Variants in SLC24A2 observed in about 807,000 individuals in gnomAD.
SLC24A2 encodes solute carrier family 24 member 2.
In SLC24A2, 36 loss-of-function variants were observed where a neutral mutation model predicts 62.0. The ratio of observed to expected loss-of-function variants is 0.58; its 90% CI spans 0.44 to 0.77. The LOEUF is 0.77. Ranked by LOEUF, SLC24A2 falls within the 30% of genes least tolerant of loss-of-function variation. The pLI is 0.00. For synonymous variants in SLC24A2, 358 were observed against 294.0 expected, an observed-to-expected ratio of 1.22 and a Z score of -2.23; for missense variants, 846 against 817.9, an observed-to-expected ratio of 1.03 and a Z score of -0.42.
the SLC24A2 span, among the ~76,000 whole-genome samples, chr9:20,235,393 G>A: frequency 1.3e-3 from 195 of 152,328 alleles, no homozygotes; most frequent in Non-Finnish European, 2.4e-3. Flanking sequence ...ACTTCCCGCC[G>A]CTTTGTTTCC....
intron 2 of SLC24A2, among the ~76,000 whole-genome samples, chr9:19,733,397 A>G (rs1299917316): frequency 1.3e-5 from 2 of 152,168 alleles, no homozygotes; most frequent in Admixed American, 6.6e-5. Flanking sequence ...CTCTTACAAT[A>G]TCCCCTTCAG....
the SLC24A2 span, chr9:19,895,722 G>A: frequency 7.8e-7 from 1 of 1,289,726 alleles, no homozygotes; most frequent in Non-Finnish European, 1.1e-6. Flanking sequence ...CTGGGGCCTG[G>A]TGGTCGAGGC....
chr9:19,614,213 C>T (rs1368649377), intron 4 of SLC24A2, among the ~76,000 whole-genome samples: 1 of 152,162 alleles, frequency 6.6e-6, no homozygotes, highest in Non-Finnish European at 1.5e-5. Context: ...TTCAGATAGC[C>T]ATCCTGTGAT....
At chr9:19,552,806 CA>C in intron 7 of SLC24A2, among the ~76,000 whole-genome samples, 1 of 152,204 alleles carries the variant, frequency 6.6e-6, no homozygotes, top group East Asian at 1.9e-4. Flanking sequence ...CTCCATCTGC[CA>C]AAGTCACCAG....
the SLC24A2 span, among the ~76,000 whole-genome samples, chr9:20,231,512 T>C: frequency 4.7e-4 from 72 of 152,264 alleles, no homozygotes; most frequent in Admixed American, 3.3e-3. Flanking sequence ...AATGGGAGTT[T>C]ACTCATGATT....
chr9:19,901,164 T>C, the SLC24A2 span, among the ~76,000 whole-genome samples: 866 of 152,264 alleles, frequency 5.7e-3, 7 homozygotes, highest in Non-Finnish European at 7.5e-3. Context: ...CAGAGAATTT[T>C]GTAAGGGAGA....
chr9:19,767,065 G>C (rs776949638), intron 2 of SLC24A2, among the ~76,000 whole-genome samples: 15 of 152,168 alleles, frequency 9.9e-5, no homozygotes, highest in Non-Finnish European at 2.1e-4. Context: ...CACCCAGTTA[G>C]AACTTCCCAG....
chr9:19,583,336 C>A, intron 5 of SLC24A2, among the ~76,000 whole-genome samples: 1 of 152,210 alleles, frequency 6.6e-6, no homozygotes, highest in South Asian at 2.1e-4. Flanking sequence ...CTTGTCTGAG[C>A]AGCCTATTGA....
the SLC24A2 span, among the ~76,000 whole-genome samples, chr9:19,873,536 C>CTTTCTTTCTTTCTTTATTTATT: frequency 2.9e-5 from 4 of 137,128 alleles, no homozygotes; most frequent in Non-Finnish European, 3.1e-5. Flanking sequence ...TCCTTTCTTT[C>CTTTCTTTCTTTCTTTATTTATT]TCTTTCTTTC....
chr9:20,062,008 G>A, the SLC24A2 span, among the ~76,000 whole-genome samples: 1 of 152,156 alleles, frequency 6.6e-6, no homozygotes, highest in Non-Finnish European at 1.5e-5. Flanking sequence ...GGCTAAGGCA[G>A]GAGGATTGCT....
chr9:20,296,392 T>C, the SLC24A2 span, among the ~76,000 whole-genome samples: 4,464 of 152,374 alleles, frequency 0.029, 95 homozygotes, highest in South Asian at 0.053. Context: ...GTGATATAAA[T>C]TGCACAAAGA....
At position 19,738,988 on chromosome 9, in the gene SLC24A2, G is replaced by A. The variant is rs573328697; in HGVS notation, c.930+46949C>T. Among the ~76,000 whole-genome samples, 21 of 152,022 alleles carry A rather than the reference G, an allele frequency of 1.4e-4. No individual in the cohort carries two copies. The South Asian group carries it at 2.5e-3, about 18-fold the overall frequency. On this transcript the variant is annotated intron_variant, in intron 2 of 10. Transcript: ENST00000341998. The stretch of plus-strand genomic sequence containing the variant: ...AAAAATTAGCCAGGCATGGTGGTGC[G>A]CACCGGTAGTCCCAGCTACTCATGA...
At chr9:20,164,221 A>G in the SLC24A2 span, among the ~76,000 whole-genome samples, 15 of 152,046 alleles carry the variant, frequency 9.9e-5, no homozygotes, top group South Asian at 1.2e-3. Flanking sequence ...GAAAATTTTC[A>G]CAACCTACTC....
intron 2 of SLC24A2, among the ~76,000 whole-genome samples, chr9:19,668,711 T>A (rs1288690190): frequency 1.3e-5 from 2 of 152,222 alleles, no homozygotes; most frequent in Non-Finnish European, 2.9e-5. Flanking sequence ...CTGTGCATCC[T>A]ACGATATCTT....
At chr9:20,105,764 C>T in the SLC24A2 span, among the ~76,000 whole-genome samples, 1 of 152,016 alleles carries the variant, frequency 6.6e-6, no homozygotes, top group Non-Finnish European at 1.5e-5. Context: ...CCAAAATTGA[C>T]ACCCTAACAT....
rs1445834558 is a variant in SLC24A2 at position 19,508,238 on chromosome 9, C to G, written c.*7915G>C. ...GTGTTCAGGGTTCAATAGCGCAATT[C>G]AGTAACTGAGGCTCCCTCTTCCGAA... On this transcript the variant is annotated 3_prime_UTR_variant, in exon 11 of 11. Coordinates refer to ENST00000341998, the MANE Select transcript of SLC24A2 (RefSeq NM_020344.4). 2.0e-5 allele frequency: 3 copies of G among 152,152 alleles called. No individual in the cohort carries two copies. The highest frequency in any genetic ancestry group is 4.8e-5 in the African/African-American group (2 of 41,436). 9.4% of individuals were successfully genotyped at this position (152,152 alleles called of 1,614,324 possible).
intron 7 of SLC24A2, among the ~76,000 whole-genome samples, chr9:19,570,133 CA>C (rs960518071): frequency 3.1e-4 from 47 of 152,310 alleles, no homozygotes; most frequent in African/African-American, 1.0e-3. Context: ...ATTAGGTAAA[CA>C]ATCAAAATTT....
At chr9:20,155,045 C>T in the SLC24A2 span, among the ~76,000 whole-genome samples, 1 of 150,050 alleles carries the variant, frequency 6.7e-6, no homozygotes, top group South Asian at 2.1e-4. Context: ...ACCATTGGGT[C>T]AAACGGCCAT....
At chr9:19,996,923 T>C in the SLC24A2 span, among the ~76,000 whole-genome samples, 1 of 151,906 alleles carries the variant, frequency 6.6e-6, no homozygotes, top group African/African-American at 2.4e-5. Flanking sequence ...TAGATTTGAA[T>C]TTTAGAAAGC....
Sources: gnomAD v4.1 joint callset for allele counts (sites outside exome capture counted in the v4.1 genomes callset) on GRCh38, gnomAD v4.1.1 for gene constraint, MANE v1.5 for transcripts, NCBI Gene and HGNC (gene_info 2026-07-23, HGNC 2026-07-21) for gene names.